The following MYO16 variants were observed in gnomAD, a reference collection of about 807,000 sequenced individuals.
MYO16 encodes the protein myosin XVI.
A neutral mutation model predicts 205.3 loss-of-function variants in MYO16; 94 were observed. The ratio of observed to expected loss-of-function variants is 0.46; its 90% CI spans 0.39 to 0.54. MYO16 has a LOEUF of 0.54. MYO16 is among the 20% of genes least tolerant of loss of function. The pLI is 0.00. For missense variants in MYO16, 2,315 were observed against 2,387.5 expected (o/e 0.97, Z 0.63); for synonymous variants, 988 against 954.0 (o/e 1.04, Z -0.66).
At chr13:108,691,896 T>C (rs1165631273) in intron 2 of MYO16, among the ~76,000 whole-genome samples, 1 of 152,208 alleles carries the variant, frequency 6.6e-6, no homozygotes, top group Non-Finnish European at 1.5e-5. Context: ...TTTCTGAATC[T>C]TTAGGAAACA....
At chr13:108,727,329 T>G in intron 3 of MYO16, 111 bp from the exon 4 acceptor site, 2 of 1,160,498 alleles carry the variant, frequency 1.7e-6, no homozygotes, top group East Asian at 2.4e-5. Flanking sequence ...TAGCTTCACC[T>G]CTCAACTCCC....
At chr13:108,602,792 A>C (rs569267667) in intron 1 of MYO16, among the ~76,000 whole-genome samples, 1 of 152,256 alleles carries the variant, frequency 6.6e-6, no homozygotes, top group Admixed American at 6.5e-5. Flanking sequence ...AATGGAATCC[A>C]TTTTCCATCT....
At chr13:108,619,376 A>C (rs1376377189) in intron 1 of MYO16, among the ~76,000 whole-genome samples, 1 of 152,152 alleles carries the variant, frequency 6.6e-6, no homozygotes, top group Non-Finnish European at 1.5e-5. Flanking sequence ...CTTAAATTTC[A>C]AATATAAACA....
At chr13:108,778,816 T>C (rs1288300576) in intron 4 of MYO16, among the ~76,000 whole-genome samples, 1 of 152,170 alleles carries the variant, frequency 6.6e-6, no homozygotes, top group Non-Finnish European at 1.5e-5. Context: ...CAATATGAAC[T>C]CTCAATATGA....
At chr13:108,819,898 G>T (rs914970150) in intron 7 of MYO16, among the ~76,000 whole-genome samples, 3 of 152,028 alleles carry the variant, frequency 2.0e-5, no homozygotes, top group Non-Finnish European at 4.4e-5. Context: ...GTACTTTCGG[G>T]TTATATTATG....
At chr13:108,920,156 T>C (rs2139261048) in intron 16 of MYO16, among the ~76,000 whole-genome samples, 1 of 152,294 alleles carries the variant, frequency 6.6e-6, no homozygotes, top group East Asian at 1.9e-4. Context: ...AGGACTTACC[T>C]TACGTTGAAG....
At chr13:109,143,344 A>T (rs1011372530) in intron 32 of MYO16, among the ~76,000 whole-genome samples, 1 of 152,150 alleles carries the variant, frequency 6.6e-6, no homozygotes, top group Non-Finnish European at 1.5e-5. Flanking sequence ...AAATAAGCTA[A>T]TTGTTTGTTT....
At chr13:108,971,157 TAA>T (rs1817084290) in intron 20 of MYO16, among the ~76,000 whole-genome samples, 2 of 152,154 alleles carry the variant, frequency 1.3e-5, no homozygotes. Flanking sequence ...TAGCAAATGT[TAA>T]ATTCAATGTT....
intron 1 of MYO16, among the ~76,000 whole-genome samples, chr13:108,611,024 T>C (rs1317129728): frequency 6.6e-6 from 1 of 152,206 alleles, no homozygotes; most frequent in Admixed American, 6.5e-5. Context: ...TGATGAATTC[T>C]TATATGAACT....
Position 108,727,493 on chromosome 13 carries a change from C to A in MYO16, c.417C>A (p.Val139=). ...FIAEILIDRG[V]NVNHQDEDFW... ...CAGAAATTCTGATTGACAGAGGAGTCAACGTCAACCACCAGGATGAAGACT... is the reference window on the plus strand; with the variant it reads ...CAGAAATTCTGATTGACAGAGGAGTAAACGTCAACCACCAGGATGAAGACT... The change falls in exon 4 of 35, where the codon GTC becomes GTA. Residue 139 remains valine, a synonymous_variant. Transcript: ENST00000457511. 6.2e-7 allele frequency: 1 copy of A among 1,613,952 alleles called. No homozygotes were observed. The highest frequency in any genetic ancestry group is 8.5e-7 in the Non-Finnish European group (1 of 1,179,934).
intron 32 of MYO16, among the ~76,000 whole-genome samples, chr13:109,151,397 A>G (rs1159006589): frequency 1.3e-5 from 2 of 152,204 alleles, no homozygotes; most frequent in African/African-American, 4.8e-5. Context: ...ACAATAAACA[A>G]TATGATTCAT....
chr13:108,948,555 G>A (rs1463451995), intron 16 of MYO16, among the ~76,000 whole-genome samples: 3 of 152,224 alleles, frequency 2.0e-5, no homozygotes, highest in South Asian at 4.1e-4. Flanking sequence ...CAGTAGGTGC[G>A]GCCTCAGGGA....
intron 16 of MYO16, among the ~76,000 whole-genome samples, chr13:108,954,775 AG>A (rs1193822238): frequency 1.3e-5 from 2 of 152,278 alleles, no homozygotes; most frequent in East Asian, 3.9e-4. Context: ...TTATTGCTAA[AG>A]GTTTATAGAT....
chr13:108,626,849 A>G (rs982562812), upstream of MYO16, among the ~76,000 whole-genome samples: 23 of 147,404 alleles, frequency 1.6e-4, no homozygotes, highest in East Asian at 3.9e-4. Flanking sequence ...GTGTGTGTAT[A>G]TATATATATG....
chr13:109,079,387 G>T (rs1311416279), intron 27 of MYO16, among the ~76,000 whole-genome samples: 2 of 150,346 alleles, frequency 1.3e-5, no homozygotes, highest in African/African-American at 2.4e-5. Context: ...TACTGTATGG[G>T]TTTTTTTTTT....
At chr13:108,751,217 G>A (rs1228476921) in intron 4 of MYO16, among the ~76,000 whole-genome samples, 2 of 151,802 alleles carry the variant, frequency 1.3e-5, no homozygotes, top group Admixed American at 1.3e-4. Context: ...ACAAAAACAG[G>A]GATTTTTGGA....
chr13:108,974,468 A>T (rs1387653332), intron 20 of MYO16, among the ~76,000 whole-genome samples: 2 of 152,144 alleles, frequency 1.3e-5, no homozygotes, highest in African/African-American at 4.8e-5. Context: ...CTCCCCCAAA[A>T]ATCCATAAAA....
intron 6 of MYO16, among the ~76,000 whole-genome samples, chr13:108,794,417 G>C (rs1306498069): frequency 6.6e-6 from 1 of 152,136 alleles, no homozygotes; most frequent in Non-Finnish European, 1.5e-5. Flanking sequence ...TCCTATGTAT[G>C]TTTTTCCTAA....
intron 4 of MYO16, among the ~76,000 whole-genome samples, chr13:108,753,730 C>A (rs1016468520): frequency 1.3e-5 from 2 of 152,172 alleles, no homozygotes; most frequent in Admixed American, 1.3e-4. Flanking sequence ...AAAATAAATT[C>A]TTTCTGGGCC....
Sources: gnomAD v4.1 joint callset for allele counts (sites outside exome capture counted in the v4.1 genomes callset) on GRCh38, gnomAD v4.1.1 for gene constraint, MANE v1.5 for transcripts, NCBI Gene and HGNC (gene_info 2026-07-23, HGNC 2026-07-21) for gene names.